The following WNT5A variants were observed in gnomAD, a reference collection of about 807,000 sequenced individuals.
WNT5A encodes the protein Wnt family member 5A, also known as protein Wnt-5a.
In WNT5A, 9 loss-of-function variants were observed where a neutral mutation model predicts 42.1. The ratio of observed to expected loss-of-function variants is 0.21; its 90% CI spans 0.13 to 0.37. The LOEUF (loss-of-function observed/expected upper bound fraction) is 0.37. Among genes scored for constraint, WNT5A ranks in the 10% least tolerant of loss-of-function variants. WNT5A has a pLI of 1.00. For synonymous variants in WNT5A, 210 were observed against 210.0 expected (o/e 1.00, Z 0.00); for missense variants, 426 against 534.0 (o/e 0.80, Z 1.99).
chr3:55,498,965 G>C, the WNT5A span, among the ~76,000 whole-genome samples: 3 of 152,152 alleles, frequency 2.0e-5, no homozygotes, highest in Non-Finnish European at 4.4e-5. Context: ...CTGGTCTTCT[G>C]ACCTCGTTAG....
chr3:55,470,392 C>T lies in WNT5A; in HGVS notation c.843G>A (p.Arg281=). ...GGCTGTTGACCTGTACCAACTTGCC[C>T]CGGCTGTTGAGCCGCATGGCCGCCG... ...DSAAAMRLNS[R]GKLVQVNSRF... is the part of the protein sequence containing the mutation. Residue 281 remains arginine (R), a synonymous_variant, in exon 5 of 5, where the codon CGG becomes CGA. Transcript: ENST00000264634. 1 of 1,613,828 alleles carries T rather than the reference C, an allele frequency of 6.2e-7. No individual in the cohort carries two copies. The highest frequency in any genetic ancestry group is 8.5e-7 in the Non-Finnish European group (1 of 1,179,836).
At chr3:55,489,293 G>GCGCACACA (rs1305251700), upstream of WNT5A, 17,082 of 148,520 alleles carry the variant, frequency 0.12, 1,009 homozygotes, top group Middle Eastern at 0.13. Flanking sequence ...ACACACGCGC[G>GCGCACACA]CACACACACA....
upstream of WNT5A, among the ~76,000 whole-genome samples, chr3:55,488,583 C>A (rs1367477661): frequency 6.6e-6 from 1 of 151,974 alleles, no homozygotes; most frequent in Non-Finnish European, 1.5e-5. Context: ...ATTTTAAAGC[C>A]GTACTACGGG....
chr3:55,491,328 A>C (rs999868365), upstream of WNT5A, among the ~76,000 whole-genome samples: 2 of 152,204 alleles, frequency 1.3e-5, no homozygotes, highest in African/African-American at 4.8e-5. Context: ...CATGTTCGAC[A>C]GACCTCCAGT....
At chr3:55,486,255 TACC>T (rs1468657131) in intron 1 of WNT5A, among the ~76,000 whole-genome samples, 3 of 152,150 alleles carry the variant, frequency 2.0e-5, no homozygotes, top group Non-Finnish European at 4.4e-5. Flanking sequence ...TTACAGCCAC[TACC>T]ACCACAACTC....
intron 1 of WNT5A, among the ~76,000 whole-genome samples, chr3:55,482,520 C>T (rs572873062): frequency 5.3e-5 from 8 of 152,322 alleles, no homozygotes; most frequent in African/African-American, 1.9e-4. Context: ...GGGACCTAGG[C>T]AGCCCTGGTA....
At chr3:55,477,900 G>A (rs766241836) in intron 3 of WNT5A, among the ~76,000 whole-genome samples, 2 of 152,158 alleles carry the variant, frequency 1.3e-5, no homozygotes, top group Non-Finnish European at 2.9e-5. Context: ...AGTCCCATAG[G>A]TTGAGAGGAA....
chr3:55,481,366 C>A, intron 1 of WNT5A: 1 of 985,954 alleles, frequency 1.0e-6, no homozygotes, highest in Middle Eastern at 5.2e-4. Flanking sequence ...GAATTAATTC[C>A]ATGGGCGAGA....
upstream of WNT5A, chr3:55,488,113 G>T (rs2051609903): frequency 6.6e-6 from 1 of 152,308 alleles, no homozygotes; most frequent in Non-Finnish European, 1.5e-5. Flanking sequence ...CCACCTCCTC[G>T]TTTGGCGCCC....
chr3:55,503,631 G>C, the WNT5A span, among the ~76,000 whole-genome samples: 1 of 152,168 alleles, frequency 6.6e-6, no homozygotes, highest in African/African-American at 2.4e-5. Context: ...GGCTTGCAGG[G>C]CTCCAAGCCT....
intron 3 of WNT5A, among the ~76,000 whole-genome samples, chr3:55,475,990 A>T (rs1203092662): frequency 6.6e-6 from 1 of 152,336 alleles, no homozygotes; most frequent in East Asian, 1.9e-4. Context: ...ACTGAAATAC[A>T]TGCAAGGAAA....
rs980457038 is a variant in WNT5A at position 55,485,762 on chromosome 3, G to A, written c.6+1218C>T. Among the ~76,000 whole-genome samples, 11 of 152,166 alleles carry A rather than the reference G, an allele frequency of 7.2e-5. No individual in the cohort carries two copies. In the East Asian group the frequency reaches 2.1e-3, roughly 29 times the overall value. On this transcript the variant is annotated intron_variant, in intron 1 of 4. Coordinates refer to ENST00000264634, the MANE Select transcript of WNT5A (RefSeq NM_003392.7). Reference sequence around the variant, plus strand: ...CCATTTAAAGAGAGAAGAGAGAAAAGAGAGGCGAGAGAGGAGAAGGGGCCT... The same window carrying A: ...CCATTTAAAGAGAGAAGAGAGAAAAAAGAGGCGAGAGAGGAGAAGGGGCCT...
chr3:55,498,656 A>T, the WNT5A span, among the ~76,000 whole-genome samples: 1 of 152,192 alleles, frequency 6.6e-6, no homozygotes, highest in Admixed American at 6.5e-5. Flanking sequence ...CTTCCAGGAC[A>T]GATGATTTGG....
Position 55,474,497 on chromosome 3 carries a change from C to CGCGGCA in WNT5A, c.518_523dup (p.Leu173_Pro174dup). 6.3e-7 allele frequency: 1 copy of CGCGGCA among 1,590,800 alleles called. No individual in the cohort carries two copies. Among genetic ancestry groups the CGCGGCA allele is most frequent in the South Asian group, 1.1e-5 (1 of 87,956 alleles). On this transcript the variant is annotated inframe_insertion, in exon 4 of 5. Transcript: ENST00000264634. ...GCCGCAGCCGCCCCAGAGCCAGTCC[C>CGCGGCA]GCGGCAGGTCCTTGGGGCGCGCGGC...
intron 1 of WNT5A, among the ~76,000 whole-genome samples, chr3:55,485,884 G>T (rs1483775103): frequency 6.6e-6 from 1 of 152,068 alleles, no homozygotes; most frequent in East Asian, 1.9e-4. Flanking sequence ...GGGGGGAAGA[G>T]GGGTTATTTG....
intron 1 of WNT5A, among the ~76,000 whole-genome samples, chr3:55,482,021 G>A (rs1471345177): frequency 6.6e-6 from 1 of 152,236 alleles, no homozygotes; most frequent in Non-Finnish European, 1.5e-5. Flanking sequence ...CTGCGAGCCT[G>A]TCGTTGGAAC....
intron 2 of WNT5A, 65 bp downstream of exon 2, chr3:55,480,720 A>T (rs1297640774): frequency 6.9e-7 from 1 of 1,459,508 alleles, no homozygotes; most frequent in East Asian, 2.5e-5. Flanking sequence ...ATATTGCCGC[A>T]TCATACAAAC....
At chr3:55,472,286 G>A (rs896976738) in intron 4 of WNT5A, among the ~76,000 whole-genome samples, 7 of 152,098 alleles carry the variant, frequency 4.6e-5, no homozygotes, top group Admixed American at 1.3e-4. Context: ...CCCTTGACCC[G>A]CTCTTCTTGG....
At chr3:55,495,253 A>C (rs1375760369), upstream of WNT5A, among the ~76,000 whole-genome samples, 1 of 152,180 alleles carries the variant, frequency 6.6e-6, no homozygotes, top group African/African-American at 2.4e-5. Context: ...GTTATTAACT[A>C]TAGTCACCAT....
Sources: gnomAD v4.1 joint callset for allele counts (sites outside exome capture counted in the v4.1 genomes callset) on GRCh38, gnomAD v4.1.1 for gene constraint, MANE v1.5 for transcripts, NCBI Gene and HGNC (gene_info 2026-07-23, HGNC 2026-07-21) for gene names.